Variants in CSMD1 observed in about 807,000 individuals in gnomAD.
The protein encoded by CSMD1 is CUB and Sushi multiple domains 1, also known as CUB and sushi domain-containing protein 1.
A neutral mutation model predicts 417.5 loss-of-function variants in CSMD1; 213 were observed. The observed-to-expected ratio is 0.51, with a 90% CI of 0.46 to 0.57. The LOEUF (loss-of-function observed/expected upper bound fraction) is 0.57. Ranked by LOEUF, CSMD1 falls within the 20% of genes least tolerant of loss-of-function variation. The pLI is 0.00. For missense variants in CSMD1, 6,923 were observed against 4,529.7 expected (o/e 1.53, Z -15.17); for synonymous variants, 2,862 against 1,736.8 (o/e 1.65, Z -16.11).
intron 3 of CSMD1, among the ~76,000 whole-genome samples, chr8:4,241,485 G>T (rs1700109): frequency 6.6e-6 from 1 of 152,126 alleles, no homozygotes; most frequent in Non-Finnish European, 1.5e-5. Flanking sequence ...CATGCAGTGA[G>T]GATGTGTCTT....
chr8:4,795,982 G>C (rs1345939054), intron 1 of CSMD1, among the ~76,000 whole-genome samples: 1 of 152,104 alleles, frequency 6.6e-6, no homozygotes, highest in Non-Finnish European at 1.5e-5. Flanking sequence ...AAGCCTCTCT[G>C]ATATGTCATA....
intron 42 of CSMD1, among the ~76,000 whole-genome samples, chr8:3,113,555 C>G (rs954709843): frequency 6.6e-6 from 1 of 152,252 alleles, no homozygotes; most frequent in Admixed American, 6.5e-5. Flanking sequence ...TTGAATGTCA[C>G]GCCCAATGGG....
At chr8:4,284,622 C>G (rs1033560427) in intron 3 of CSMD1, among the ~76,000 whole-genome samples, 1 of 152,108 alleles carries the variant, frequency 6.6e-6, no homozygotes, top group Non-Finnish European at 1.5e-5. Flanking sequence ...GTAAAACTCA[C>G]AGCAACTGTT....
chr8:3,661,543 C>A (rs1363354596), intron 7 of CSMD1, among the ~76,000 whole-genome samples: 1 of 151,690 alleles, frequency 6.6e-6, no homozygotes, highest in Non-Finnish European at 1.5e-5. Context: ...ATCACCCAGG[C>A]TGCAGTGCGG....
At chr8:4,722,095 G>A (rs957978028) in intron 1 of CSMD1, among the ~76,000 whole-genome samples, 1 of 152,004 alleles carries the variant, frequency 6.6e-6, no homozygotes, top group Admixed American at 6.6e-5. Flanking sequence ...CTAATATATA[G>A]CATGAAAACT....
intron 28 of CSMD1, among the ~76,000 whole-genome samples, chr8:3,222,080 T>C (rs1358104169): frequency 6.6e-6 from 1 of 152,028 alleles, no homozygotes; most frequent in Non-Finnish European, 1.5e-5. Flanking sequence ...AAACTCCAGA[T>C]CAGAGAAGTC....
intron 3 of CSMD1, among the ~76,000 whole-genome samples, chr8:4,344,815 A>T (rs568188390): frequency 6.6e-5 from 10 of 152,296 alleles, no homozygotes; most frequent in African/African-American, 2.4e-4. Flanking sequence ...TATGATATAT[A>T]GCAGCTGATC....
At chr8:4,861,412 A>G (rs1802123710) in intron 1 of CSMD1, among the ~76,000 whole-genome samples, 1 of 152,154 alleles carries the variant, frequency 6.6e-6, no homozygotes, top group African/African-American at 2.4e-5. Context: ...GTAAACATCC[A>G]GAAACATGTG....
chr8:4,240,403 T>A (rs1051528903), intron 3 of CSMD1, among the ~76,000 whole-genome samples: 1 of 152,204 alleles, frequency 6.6e-6, no homozygotes, highest in Non-Finnish European at 1.5e-5. Flanking sequence ...TTGAGCACCT[T>A]TGCCTGCTCT....
chr8:4,087,663 G>C (rs981944602), intron 3 of CSMD1, among the ~76,000 whole-genome samples: 1 of 151,768 alleles, frequency 6.6e-6, no homozygotes, highest in African/African-American at 2.4e-5. Flanking sequence ...TTCTCATTTT[G>C]TGTTTGCTCA....
chr8:4,084,133 G>C (rs1370890941), intron 3 of CSMD1, among the ~76,000 whole-genome samples: 1 of 152,060 alleles, frequency 6.6e-6, no homozygotes, highest in Non-Finnish European at 1.5e-5. Context: ...CTGCTCTTAT[G>C]ACTAAATTAT....
intron 5 of CSMD1, among the ~76,000 whole-genome samples, chr8:3,982,815 G>A (rs1023834426): frequency 1.1e-4 from 16 of 152,142 alleles, no homozygotes; most frequent in African/African-American, 3.6e-4. Context: ...GATTCTGAGG[G>A]GAGCACGATG....
At chr8:3,133,096 T>C (rs1817883010) in intron 41 of CSMD1, among the ~76,000 whole-genome samples, 1 of 152,162 alleles carries the variant, frequency 6.6e-6, no homozygotes, top group Non-Finnish European at 1.5e-5. Flanking sequence ...CCTGCATCCT[T>C]CCCCAGGCCC....
At chr8:3,102,811 C>T (rs1460906615) in intron 46 of CSMD1, among the ~76,000 whole-genome samples, 1 of 152,148 alleles carries the variant, frequency 6.6e-6, no homozygotes, top group Non-Finnish European at 1.5e-5. Flanking sequence ...TATACAAAGC[C>T]TGGAAGGTAA....
intron 2 of CSMD1, among the ~76,000 whole-genome samples, chr8:4,421,084 C>G (rs574088807): frequency 2.0e-5 from 3 of 152,240 alleles, no homozygotes; most frequent in African/African-American, 4.8e-5. Context: ...GGATGCCAAT[C>G]CAAACAACTT....
intron 2 of CSMD1, among the ~76,000 whole-genome samples, chr8:4,625,223 T>C (rs929247602): frequency 2.6e-5 from 4 of 152,030 alleles, no homozygotes; most frequent in African/African-American, 9.7e-5. Context: ...CGTTCTCACC[T>C]TCCACTGTTT....
At chr8:4,429,961 G>A (rs982829735) in intron 2 of CSMD1, among the ~76,000 whole-genome samples, 1 of 152,080 alleles carries the variant, frequency 6.6e-6, no homozygotes, top group African/African-American at 2.4e-5. Context: ...GAGGCAAAGG[G>A]GAGAATCCAC....
At chr8:4,356,657 A>C (rs10503256) in intron 3 of CSMD1, among the ~76,000 whole-genome samples, 1 of 151,934 alleles carries the variant, frequency 6.6e-6, no homozygotes, top group Admixed American at 6.5e-5. Flanking sequence ...GGTAGTTCAC[A>C]TACACCTGTT....
At chr8:4,879,590 G>A (rs552970048) in intron 1 of CSMD1, among the ~76,000 whole-genome samples, 1 of 151,944 alleles carries the variant, frequency 6.6e-6, no homozygotes. Flanking sequence ...AAACGAAGAA[G>A]AAAATAAGGA....
Sources: gnomAD v4.1 joint callset for allele counts (sites outside exome capture counted in the v4.1 genomes callset) on GRCh38, gnomAD v4.1.1 for gene constraint, MANE v1.5 for transcripts, NCBI Gene and HGNC (gene_info 2026-07-23, HGNC 2026-07-21) for gene names.